ANAPC5: variants seen among roughly 807,000 people sequenced by gnomAD.
ANAPC5 encodes the protein anaphase-promoting complex subunit 5.
ANAPC5 carries 60 observed loss-of-function variants against 91.3 expected under a neutral mutation model. The observed-to-expected ratio is 0.66, with a 90% confidence interval of 0.53 to 0.81. The LOEUF (loss-of-function observed/expected upper bound fraction) is 0.81. ANAPC5 is among the 40% of genes least tolerant of loss of function. The pLI, the probability that ANAPC5 is intolerant of heterozygous loss-of-function variation, is 0.00. For missense variants in ANAPC5, 690 were observed against 931.5 expected (o/e 0.74, Z 3.37); for synonymous variants, 340 against 364.1 (o/e 0.93, Z 0.75).
At position 121,352,385 on chromosome 12, in the gene ANAPC5, G is replaced by A; in HGVS notation, c.-45C>T. The A allele has an allele frequency of 6.6e-7, 1 of 1,516,468 alleles. No homozygotes were observed. Among genetic ancestry groups the A allele is most frequent in the Non-Finnish European group, 9.0e-7 (1 of 1,107,970 alleles). 93.9% of individuals were successfully genotyped at this position (1,516,468 alleles called of 1,614,324 possible). ...TCGGGCCCGCGGCGCGCTGCCGCCA[G>A]TTGTCACCACAAGGCACAACACTAC... On this transcript the variant is annotated 5_prime_UTR_variant, in exon 1 of 17. Transcript: ENST00000261819.
At chr12:121,337,269 A>C (rs1555273589) in intron 6 of ANAPC5, 22 bp downstream of exon 6, 1 of 1,593,180 alleles carries the variant, frequency 6.3e-7, no homozygotes, top group South Asian at 1.1e-5. Flanking sequence ...CAACACAGCA[A>C]CAAATTCTGG....
intron 15 of ANAPC5, among the ~76,000 whole-genome samples, chr12:121,315,632 C>T (rs752220361): frequency 4.6e-5 from 7 of 152,108 alleles, no homozygotes; most frequent in Non-Finnish European, 1.0e-4. Flanking sequence ...TATATATCTA[C>T]GATCAGTTGT....
At chr12:121,348,843 T>C (rs1234550170) in intron 1 of ANAPC5, among the ~76,000 whole-genome samples, 1 of 152,240 alleles carries the variant, frequency 6.6e-6, no homozygotes, top group East Asian at 1.9e-4. Flanking sequence ...AGGGAAGTTA[T>C]TTTGGCATAC....
In ANAPC5 at chr12:121,319,807, T is replaced by C. The variant is rs1469511864; in HGVS notation, c.1527A>G (p.Leu509=). 6.2e-7 allele frequency: 1 copy of C among 1,603,464 alleles called. No homozygotes were observed. The part of the protein sequence containing the change: ...PNSQHAQLWM[L]CDQKIQFDRA... ...TGTCAAACTGTATTTTTTGATCACA[T>C]AGCATCCATAACTAGTAAGAAAAAA... Residue 509 remains leucine, a synonymous_variant, in exon 13 of 17, where the codon CTA becomes CTG. Transcript: ENST00000261819.
chr12:121,319,744 T>A lies in ANAPC5; in HGVS notation c.1590A>T (p.Ser530=). ...MNDGKYHLAD[S]LVTGITALNS... ...TGAGAGCTGTGATTCCTGTAACAAG[T>A]GAATCAGCCAAATGATATTTGCCAT... Residue 530 remains serine, a synonymous_variant, in exon 13 of 17, where the codon TCA becomes TCT. Coordinates refer to ENST00000261819, the MANE Select transcript of ANAPC5 (RefSeq NM_016237.5). 1 of 1,612,872 alleles carries A rather than the reference T, an allele frequency of 6.2e-7. No homozygotes were observed. Among genetic ancestry groups the A allele is most frequent in the Non-Finnish European group, 8.5e-7 (1 of 1,179,574 alleles).
chr12:121,346,045 C>A lies in ANAPC5; in HGVS notation c.398-14G>T. On this transcript the variant is annotated splice_polypyrimidine_tract_variant and intron_variant, in intron 3 of 16. Coordinates refer to ENST00000261819, the MANE Select transcript of ANAPC5 (RefSeq NM_016237.5). Reference sequence around the variant, plus strand: ...GCAGAAACAAACCTACAAAATAAGACGAGAGACAAGGGGAAAGCATTAACT... The same window carrying A: ...GCAGAAACAAACCTACAAAATAAGAAGAGAGACAAGGGGAAAGCATTAACT... 1 of 1,590,194 alleles carries A rather than the reference C, an allele frequency of 6.3e-7. No individual in the cohort carries two copies. The highest frequency in any genetic ancestry group is 8.6e-7 in the Non-Finnish European group (1 of 1,169,354).
At chr12:121,339,346 C>T (rs797025055) in intron 5 of ANAPC5, among the ~76,000 whole-genome samples, 4 of 152,162 alleles carry the variant, frequency 2.6e-5, no homozygotes, top group Admixed American at 6.5e-5. Context: ...CCACTGTGCC[C>T]GGCCTGAAAA....
intron 11 of ANAPC5, among the ~76,000 whole-genome samples, chr12:121,325,906 A>G (rs1468467848): frequency 6.6e-6 from 1 of 152,206 alleles, no homozygotes; most frequent in African/African-American, 2.4e-5. Flanking sequence ...CGACTCATTC[A>G]TTACCAGATG....
At chr12:121,339,347 G>A (rs994299533) in intron 5 of ANAPC5, among the ~76,000 whole-genome samples, 4 of 151,872 alleles carry the variant, frequency 2.6e-5, no homozygotes, top group African/African-American at 9.7e-5. Flanking sequence ...CACTGTGCCC[G>A]GCCTGAAAAT....
At position 121,308,523 on chromosome 12, in the gene ANAPC5, T is replaced by C. The variant is rs764263632; in HGVS notation, c.2225A>G (p.Gln742Arg). 1 of 1,614,032 alleles carries C rather than the reference T, an allele frequency of 6.2e-7. No individual in the cohort carries two copies. The highest frequency in any genetic ancestry group is 1.3e-5 in the African/African-American group (1 of 74,944). ...RCAMLFRQLH[Q>R]ELPSHGVPLI... The stretch of plus-strand genomic sequence containing the variant: ...GGGTACCCCATGAGAGGGCAGCTCC[T>C]GATGCAGCTGCCGGAAGAGCATCGC... Residue 742 changes from glutamine (Q) to arginine (R), a missense_variant, in exon 17 of 17, where the codon CAG (glutamine) becomes CGG (arginine). By Grantham distance (43) the Gln-to-Arg change is conservative. Around this residue, in one of 5 missense-constraint regions of ANAPC5, gnomAD observed 317 missense variants for 438.7 expected, o/e 0.72. Transcript: ENST00000261819.
At chr12:121,317,777 A>G (rs1286726062) in intron 15 of ANAPC5, 1 of 152,308 alleles carries the variant, frequency 6.6e-6, no homozygotes, top group African/African-American at 2.4e-5. Context: ...TCACTCATTC[A>G]TTGATTAATA....
intron 5 of ANAPC5, among the ~76,000 whole-genome samples, chr12:121,340,865 C>T (rs1903431155): frequency 6.6e-6 from 1 of 151,716 alleles, no homozygotes; most frequent in Non-Finnish European, 1.5e-5. Flanking sequence ...CAGCCTCCAT[C>T]ACTTTTGTCT....
chr12:121,347,743 T>G, intron 2 of ANAPC5, 59 bp downstream of exon 2: 1 of 1,335,988 alleles, frequency 7.5e-7, no homozygotes, highest in Non-Finnish European at 1.1e-6. Flanking sequence ...CACATACCCT[T>G]TTGTGATTTT....
chr12:121,330,141 CTGT>C (rs1212655322), intron 9 of ANAPC5, among the ~76,000 whole-genome samples: 4 of 152,100 alleles, frequency 2.6e-5, no homozygotes, highest in Non-Finnish European at 5.9e-5. Flanking sequence ...TATTTCTTCT[CTGT>C]TGTTGATTTT....
At chr12:121,313,050 G>T (rs542851898) in intron 15 of ANAPC5, among the ~76,000 whole-genome samples, 2 of 152,208 alleles carry the variant, frequency 1.3e-5, no homozygotes, top group Non-Finnish European at 2.9e-5. Context: ...AAGAGGCCGG[G>T]CGCGGTGGTT....
At chr12:121,323,902 G>C (rs1261969267) in intron 11 of ANAPC5, among the ~76,000 whole-genome samples, 1 of 152,096 alleles carries the variant, frequency 6.6e-6, no homozygotes, top group Non-Finnish European at 1.5e-5. Flanking sequence ...TTCCCATCGT[G>C]GCCTGCAATT....
At chr12:121,338,406 AG>A (rs1356240435) in intron 5 of ANAPC5, among the ~76,000 whole-genome samples, 21 of 151,858 alleles carry the variant, frequency 1.4e-4, no homozygotes, top group African/African-American at 3.9e-4. Context: ...TGGCCAACAT[AG>A]TGAAACCCTG....
intron 7 of ANAPC5, chr12:121,335,021 T>C (rs1903176897): frequency 6.6e-6 from 1 of 152,388 alleles, no homozygotes; most frequent in African/African-American, 2.4e-5. Flanking sequence ...TGGAAGTTAC[T>C]GACTAGTCCA....
intron 9 of ANAPC5, chr12:121,329,007 A>G (rs1555272583): frequency 6.6e-6 from 1 of 152,656 alleles, no homozygotes; most frequent in Non-Finnish European, 1.5e-5. Flanking sequence ...AAGCTCAACT[A>G]AAAAATGCCA....
Sources: gnomAD v4.1 joint callset for allele counts (sites outside exome capture counted in the v4.1 genomes callset) on GRCh38, gnomAD v4.1.1 for gene constraint, gnomAD v4.1.1 regional missense constraint, MANE v1.5 for transcripts, NCBI Gene and HGNC (gene_info 2026-07-23, HGNC 2026-07-21) for gene names.